Variants in FBXW4 observed in about 807,000 individuals in gnomAD.
The protein encoded by FBXW4 is F-box/WD repeat-containing protein 4.
A neutral mutation model predicts 61.8 loss-of-function variants in FBXW4; 40 were observed. The observed-to-expected ratio is 0.65, with a 90% confidence interval of 0.50 to 0.84. The LOEUF (loss-of-function observed/expected upper bound fraction) is 0.84. Ranked by LOEUF, FBXW4 falls within the 40% of genes least tolerant of loss-of-function variation. The pLI is 0.00. For synonymous variants in FBXW4, 311 were observed against 313.8 expected (o/e 0.99, Z 0.10); for missense variants, 672 against 753.8 (o/e 0.89, Z 1.27).
intron 5 of FBXW4, among the ~76,000 whole-genome samples, chr10:101,661,040 G>T (rs1486267067): frequency 6.6e-6 from 1 of 152,230 alleles, no homozygotes; most frequent in South Asian, 2.1e-4. Flanking sequence ...CAGAGACAGA[G>T]ATGGAGAAAG....
At chr10:101,652,751 G>T (rs139755607) in intron 5 of FBXW4, among the ~76,000 whole-genome samples, 1 of 152,136 alleles carries the variant, frequency 6.6e-6, no homozygotes, top group Non-Finnish European at 1.5e-5. Context: ...TAGGGAAAAG[G>T]CATAATAAGC....
chr10:101,620,059 A>G (rs547251367), intron 6 of FBXW4, among the ~76,000 whole-genome samples: 2 of 151,954 alleles, frequency 1.3e-5, no homozygotes, highest in East Asian at 3.9e-4. Flanking sequence ...CCCCTCCAGT[A>G]CTCCCCGCTC....
intron 5 of FBXW4, among the ~76,000 whole-genome samples, chr10:101,641,231 C>A (rs528667458): frequency 8.0e-4 from 122 of 151,840 alleles, no homozygotes; most frequent in South Asian, 6.2e-3. Flanking sequence ...AAAGCATGCA[C>A]AATTGGATAG....
chr10:101,645,013 C>T (rs2064084160), intron 5 of FBXW4, among the ~76,000 whole-genome samples: 2 of 152,130 alleles, frequency 1.3e-5, no homozygotes, highest in South Asian at 2.1e-4. Flanking sequence ...CCTGTTTGCT[C>T]GGCATTGAGA....
At chr10:101,656,350 G>C (rs2064185208) in intron 5 of FBXW4, among the ~76,000 whole-genome samples, 1 of 152,208 alleles carries the variant, frequency 6.6e-6, no homozygotes, top group Non-Finnish European at 1.5e-5. Flanking sequence ...CCTGGAACCA[G>C]AAAGTCACAC....
intron 5 of FBXW4, among the ~76,000 whole-genome samples, chr10:101,667,449 T>G (rs1038702617): frequency 1.3e-5 from 2 of 152,052 alleles, no homozygotes; most frequent in African/African-American, 4.8e-5. Context: ...CTTAAGACTG[T>G]AAGGGATACT....
At chr10:101,614,233 C>G (rs2063809913) in intron 6 of FBXW4, among the ~76,000 whole-genome samples, 1 of 152,246 alleles carries the variant, frequency 6.6e-6, no homozygotes, top group South Asian at 2.1e-4. Flanking sequence ...GAGCTCTCCC[C>G]TTTAATCTAT....
intron 5 of FBXW4, among the ~76,000 whole-genome samples, chr10:101,630,726 G>A (rs963664067): frequency 1.3e-5 from 2 of 152,068 alleles, no homozygotes; most frequent in Admixed American, 1.3e-4. Flanking sequence ...CAGGCAGGGG[G>A]CAGGTGAAAG....
At position 101,612,480 on chromosome 10, in the gene FBXW4, G is replaced by A. The variant is rs748135879; in HGVS notation, c.1302-3C>T. The A allele has an allele frequency of 3.8e-6, 6 of 1,562,268 alleles. No individual in the cohort carries two copies. In the African/African-American group the frequency reaches 4.1e-5, roughly 11 times the overall value. ...CCAAGTGTGTCATCAGCTGCCCACTGGGAAGGGAAGGACGGAGTGAGAGGC... is the reference window on the plus strand; with the variant it reads ...CCAAGTGTGTCATCAGCTGCCCACTAGGAAGGGAAGGACGGAGTGAGAGGC... On this transcript the variant is annotated splice_region_variant and splice_polypyrimidine_tract_variant and intron_variant, in intron 6 of 8. Coordinates refer to ENST00000331272, the MANE Select transcript of FBXW4 (RefSeq NM_022039.4).
At position 101,656,767 on chromosome 10, in the gene FBXW4, T is replaced by C. The variant is rs528062516; in HGVS notation, c.1235+11119A>G. Among the ~76,000 whole-genome samples the C allele has an allele frequency of 2.4e-4, 36 of 152,194 alleles. No homozygotes were observed. The East Asian group carries it at 2.7e-3, about 11-fold the overall frequency. On this transcript the variant is annotated intron_variant, in intron 5 of 8. Transcript: ENST00000331272. ...CCTAAACACAAGTACATGGAAAACA[T>C]GGGGGTGGGAAGGTCACAGCAAAAC...
intron 6 of FBXW4, among the ~76,000 whole-genome samples, chr10:101,614,865 G>A (rs2063814036): frequency 1.3e-5 from 2 of 152,152 alleles, no homozygotes; most frequent in South Asian, 4.2e-4. Context: ...TTTGATTTGG[G>A]AAAACAAACA....
chr10:101,654,039 T>G (rs1288645294), intron 5 of FBXW4, among the ~76,000 whole-genome samples: 1 of 146,868 alleles, frequency 6.8e-6, no homozygotes, highest in Non-Finnish European at 1.5e-5. Flanking sequence ...GAGAATCACT[T>G]GAACCCTGGA....
intron 5 of FBXW4, among the ~76,000 whole-genome samples, chr10:101,650,122 C>A (rs1358317492): frequency 6.6e-6 from 1 of 152,206 alleles, no homozygotes; most frequent in African/African-American, 2.4e-5. Flanking sequence ...AAGCTCCTGG[C>A]ACAAGGCTAT....
chr10:101,654,879 A>G (rs2064173221), intron 5 of FBXW4, among the ~76,000 whole-genome samples: 1 of 152,252 alleles, frequency 6.6e-6, no homozygotes, highest in African/African-American at 2.4e-5. Context: ...GCTAGAGTGC[A>G]GTGGCACGAT....
At chr10:101,667,374 T>G (rs1220034773) in intron 5 of FBXW4, among the ~76,000 whole-genome samples, 1 of 152,230 alleles carries the variant, frequency 6.6e-6, no homozygotes, top group Non-Finnish European at 1.5e-5. Flanking sequence ...TCAATGTTAC[T>G]ACTTCACATA....
At chr10:101,617,364 T>A (rs968571323) in intron 6 of FBXW4, among the ~76,000 whole-genome samples, 1 of 151,962 alleles carries the variant, frequency 6.6e-6, no homozygotes, top group African/African-American at 2.4e-5. Flanking sequence ...TTACCCAGGG[T>A]CACCTCCAGC....
At chr10:101,637,129 A>G (rs2064009068) in intron 5 of FBXW4, among the ~76,000 whole-genome samples, 1 of 151,888 alleles carries the variant, frequency 6.6e-6, no homozygotes, top group East Asian at 1.9e-4. Context: ...CACATTTGCA[A>G]TCCCAGCACT....
intron 4 of FBXW4, among the ~76,000 whole-genome samples, chr10:101,668,648 T>C (rs951225162): frequency 6.6e-6 from 1 of 152,200 alleles, no homozygotes; most frequent in African/African-American, 2.4e-5. Flanking sequence ...GTTAAAAATA[T>C]TGCTTGGAGC....
At chr10:101,651,613 C>T (rs999104689) in intron 5 of FBXW4, among the ~76,000 whole-genome samples, 1 of 152,056 alleles carries the variant, frequency 6.6e-6, no homozygotes, top group African/African-American at 2.4e-5. Context: ...CCCCCTCCTT[C>T]CCTCCCTCTA....
Sources: allele counts gnomAD v4.1 joint callset (sites outside exome capture counted in the v4.1 genomes callset), GRCh38; gene constraint gnomAD v4.1.1; transcripts MANE v1.5; gene names NCBI Gene and HGNC (gene_info 2026-07-23, HGNC 2026-07-21).